Variants in INPP5D observed in about 807,000 individuals in gnomAD.
INPP5D encodes the protein inositol polyphosphate-5-phosphatase D.
A neutral mutation model predicts 122.9 loss-of-function variants in INPP5D; 33 were observed. That is an observed-to-expected ratio of 0.27 (90% CI 0.20 to 0.36). The LOEUF is 0.36. Among genes scored for constraint, INPP5D ranks in the 10% least tolerant of loss-of-function variants. INPP5D has a pLI of 1.00. For synonymous variants in INPP5D, 584 were observed against 576.2 expected (o/e 1.01, Z -0.19); for missense variants, 1,053 against 1,412.7 (o/e 0.75, Z 4.08).
intron 6 of INPP5D, among the ~76,000 whole-genome samples, chr2:233,143,808 T>C (rs1574761264): frequency 2.0e-5 from 3 of 150,586 alleles, no homozygotes; most frequent in African/African-American, 7.3e-5. Flanking sequence ...CTGGTAGGAG[T>C]GGAGATGGTG....
rs141088093 is a variant in INPP5D at position 233,202,246 on chromosome 2, T to C, written c.2976-1880T>C. 7.4e-3 allele frequency among the ~76,000 whole-genome samples: 1,121 copies of C among 152,306 alleles called. 16 individuals are homozygous for C. Among genetic ancestry groups the C allele is most frequent in the African/African-American group, 0.026 (1,069 of 41,562 alleles). On this transcript the variant is annotated intron_variant, in intron 25 of 26. Coordinates refer to ENST00000445964, the MANE Select transcript of INPP5D (RefSeq NM_001017915.3). ...ATCTGAAAACTTGTGACCATGCCAG[T>C]TGCACCCTCCTGTGCCCTCTTCCCT...
At chr2:233,169,234 G>T (rs1338371656) in intron 13 of INPP5D, 71 bp from the exon 14 acceptor site, 1 of 1,545,644 alleles carries the variant, frequency 6.5e-7, no homozygotes, top group South Asian at 1.2e-5. Flanking sequence ...CCCTGCCTTC[G>T]GGTGATTTCT....
intron 6 of INPP5D, among the ~76,000 whole-genome samples, chr2:233,145,661 A>T (rs1693739137): frequency 6.8e-6 from 1 of 147,816 alleles, no homozygotes; most frequent in Non-Finnish European, 1.5e-5. Flanking sequence ...ATATGAGTTG[A>T]GGATGAGAGT....
At chr2:233,173,528 CATT>C (rs1342627186) in intron 17 of INPP5D, among the ~76,000 whole-genome samples, 1 of 152,092 alleles carries the variant, frequency 6.6e-6, no homozygotes, top group Non-Finnish European at 1.5e-5. Flanking sequence ...AATACAAACA[CATT>C]GTACAGCTGT....
chr2:233,129,647 T>C (rs895043972), intron 4 of INPP5D, among the ~76,000 whole-genome samples: 1 of 152,030 alleles, frequency 6.6e-6, no homozygotes, highest in African/African-American at 2.4e-5. Context: ...TCATTCCATA[T>C]CCCCAGCCCC....
chr2:233,075,659 C>T (rs1409198677), intron 1 of INPP5D, among the ~76,000 whole-genome samples: 2 of 151,996 alleles, frequency 1.3e-5, no homozygotes, highest in African/African-American at 4.8e-5. Context: ...GGTGGGGTGG[C>T]AGGCCAAGTG....
rs539423440 is a variant in INPP5D, at chr2:233,165,628, G to A, written c.1555+1204G>A. Among the ~76,000 whole-genome samples the A allele has an allele frequency of 2.0e-4, 30 of 151,730 alleles. No homozygotes were observed. In the South Asian group the frequency reaches 3.1e-3, roughly 16 times the overall value. On this transcript the variant is annotated intron_variant, in intron 13 of 26. Coordinates refer to ENST00000445964, the MANE Select transcript of INPP5D (RefSeq NM_001017915.3). ...CATCTGTGTGTGAGTGTACCACCCC[G>A]TATCTATGAGTGTGTGAGAGTCCAT...
intron 13 of INPP5D, among the ~76,000 whole-genome samples, 191 bp from the exon 14 acceptor site, chr2:233,169,114 C>T (rs1447354705): frequency 1.3e-5 from 2 of 152,152 alleles, no homozygotes; most frequent in Non-Finnish European, 2.9e-5. Flanking sequence ...CTGCCGCCAT[C>T]TGCACTGCTC....
chr2:233,198,424 G>A (rs7569827), intron 25 of INPP5D, 48 bp downstream of exon 25: 1,021,637 of 1,562,214 alleles, frequency 0.65, 337,782 homozygotes, highest in East Asian at 0.84. Flanking sequence ...TTATGAAAGC[G>A]CCCTGGGCTT....
intron 4 of INPP5D, among the ~76,000 whole-genome samples, chr2:233,126,934 T>A (rs912913745): frequency 2.1e-5 from 3 of 144,768 alleles, no homozygotes; most frequent in African/African-American, 5.1e-5. Context: ...AAAAAAAAAA[T>A]TCCACATCGA....
chr2:233,142,998 G>A (rs1693662491), intron 6 of INPP5D, among the ~76,000 whole-genome samples: 1 of 152,114 alleles, frequency 6.6e-6, no homozygotes, highest in Admixed American at 6.6e-5. Flanking sequence ...ATGTCCCCTG[G>A]AGGGCAAAAT....
chr2:233,141,232 GACT>G (rs1176149197), intron 6 of INPP5D: 1 of 152,100 alleles, frequency 6.6e-6, no homozygotes, highest in Non-Finnish European at 1.5e-5. Flanking sequence ...GCTTCTTAGG[GACT>G]ACAAGTACAC....
At chr2:233,204,002 AT>A in intron 25 of INPP5D, 123 bp from the exon 26 acceptor site, 1 of 1,378,524 alleles carries the variant, frequency 7.3e-7, no homozygotes, top group Non-Finnish European at 9.4e-7. Context: ...GCAATGTTAC[AT>A]GTCTCTATCT....
intron 2 of INPP5D, among the ~76,000 whole-genome samples, chr2:233,081,139 C>A (rs867334620): frequency 6.6e-6 from 1 of 152,194 alleles, no homozygotes; most frequent in African/African-American, 2.4e-5. Context: ...ACACCTAGTA[C>A]GAGAAGGTCC....
rs1695202672 is a variant in INPP5D, at chr2:233,197,037, A to C, written c.2694-1058A>C. 1.3e-5 allele frequency among the ~76,000 whole-genome samples: 2 copies of C among 152,192 alleles called. No individual in the cohort carries two copies. The highest frequency in any genetic ancestry group is 2.9e-5 in the Non-Finnish European group (2 of 68,032). On this transcript the variant is annotated intron_variant, in intron 24 of 26. Transcript: ENST00000445964. The surrounding 1 kb of genome is among the most constrained non-coding windows in gnomAD (Gnocchi z 4.4). ...TTCCAGAATCAGGATCAGTGTAGGG[A>C]AACAAATTCTTTTCCATTTTGACTA...
rs917178206 is a variant in INPP5D at position 233,164,321 on chromosome 2, G to A, written c.1452G>A (p.Thr484=). The change falls in exon 13 of 27, where the codon ACG becomes ACA. Residue 484 remains threonine (T), a synonymous_variant. Transcript: ENST00000445964. This position sits in a 1 kb window ranked among gnomAD's most constrained non-coding sequence, Gnocchi z 4.3. ...SVTFKTVAIH[T]LWNIRIVVLA... ...CCTCCCACCAGGTCGCCATCCACAC[G>A]CTCTGGAACATCCGCATCGTGGTGC... is the stretch of plus-strand genomic sequence containing the variant. The A allele has an allele frequency of 9.7e-6, 15 of 1,550,788 alleles. No individual in the cohort carries two copies. In the Admixed American group the frequency reaches 9.8e-5, roughly 10 times the overall value.
intron 2 of INPP5D, among the ~76,000 whole-genome samples, chr2:233,094,482 C>T (rs1033362566): frequency 5.5e-5 from 6 of 109,162 alleles, no homozygotes; most frequent in Non-Finnish European, 1.0e-4. Context: ...CACTGCACTC[C>T]AGCTTGGGCA....
At chr2:233,161,562 A>C (rs375217610) in intron 10 of INPP5D, among the ~76,000 whole-genome samples, 162 bp from the exon 11 acceptor site, 10 of 152,038 alleles carry the variant, frequency 6.6e-5, no homozygotes, top group African/African-American at 2.4e-4. Flanking sequence ...GCCAGAAGCC[A>C]CTCGCTTATG....
chr2:233,200,961 A>T (rs1013314288), intron 25 of INPP5D, among the ~76,000 whole-genome samples: 5 of 141,908 alleles, frequency 3.5e-5, no homozygotes, highest in African/African-American at 7.9e-5. Flanking sequence ...ACTCCATCTC[A>T]AAATAAATAA....
Sources: allele counts gnomAD v4.1 joint callset (sites outside exome capture counted in the v4.1 genomes callset), GRCh38; gene constraint gnomAD v4.1.1; non-coding constraint Gnocchi (gnomAD v3.1); transcripts MANE v1.5; gene names NCBI Gene and HGNC (gene_info 2026-07-23, HGNC 2026-07-21).